Variants in MTUS2 observed in about 807,000 individuals in gnomAD.
The protein encoded by MTUS2 is microtubule associated scaffold protein 2.
In MTUS2, 40 loss-of-function variants were observed where a neutral mutation model predicts 114.1. That is an observed-to-expected ratio of 0.35 (90% CI 0.27 to 0.46). MTUS2 has a LOEUF of 0.46. MTUS2 is among the 20% of genes least tolerant of loss of function. MTUS2 has a pLI of 1.00. For missense variants in MTUS2, 1,679 were observed against 1,705.4 expected (o/e 0.98, Z 0.27); for synonymous variants, 688 against 672.0 (o/e 1.02, Z -0.37).
chr13:29,390,849 C>CT (rs1873391969), intron 8 of MTUS2, among the ~76,000 whole-genome samples: 1 of 151,660 alleles, frequency 6.6e-6, no homozygotes, highest in South Asian at 2.1e-4. Context: ...GTGGCACGAC[C>CT]TTGGCTCACT....
intron 5 of MTUS2, among the ~76,000 whole-genome samples, chr13:29,228,971 T>G (rs1593194168): frequency 6.6e-6 from 1 of 152,102 alleles, no homozygotes; most frequent in East Asian, 1.9e-4. Context: ...AGGACAAAGA[T>G]CCACCAAGGA....
At chr13:28,929,530 AT>A (rs945262306) in intron 2 of MTUS2, among the ~76,000 whole-genome samples, 1 of 152,132 alleles carries the variant, frequency 6.6e-6, no homozygotes, top group Admixed American at 6.5e-5. Context: ...GGCCTGAAAT[AT>A]GAAATTTGAT....
At chr13:28,857,754 A>G (rs1248137911) in intron 2 of MTUS2, among the ~76,000 whole-genome samples, 1 of 152,210 alleles carries the variant, frequency 6.6e-6, no homozygotes, top group African/African-American at 2.4e-5. Context: ...AGAGATGCCT[A>G]CTTATGTTCA....
rs181341098 is a variant in MTUS2, at chr13:29,233,731, G to A, written c.2645-47973G>A. ...AACATTTCTGCCATGATTTCGAAAAGGGAGAGGTAAATCTAACATATCACC... is the reference window on the plus strand; with the variant it reads ...AACATTTCTGCCATGATTTCGAAAAAGGAGAGGTAAATCTAACATATCACC... On this transcript the variant is annotated intron_variant, in intron 5 of 15. Coordinates refer to ENST00000612955, the MANE Select transcript of MTUS2 (RefSeq NM_001033602.4). Among the ~76,000 whole-genome samples, 5 of 152,290 alleles carry A rather than the reference G, an allele frequency of 3.3e-5. No individual in the cohort carries two copies. The East Asian group carries it at 9.6e-4, about 29-fold the overall frequency.
At chr13:29,290,487 G>A (rs529845437) in intron 6 of MTUS2, among the ~76,000 whole-genome samples, 8 of 152,164 alleles carry the variant, frequency 5.3e-5, no homozygotes, top group African/African-American at 1.7e-4. Flanking sequence ...CTGCCACCAC[G>A]CCTGGCTAAT....
chr13:29,450,750 ATATAC>A (rs574755595), intron 9 of MTUS2, among the ~76,000 whole-genome samples: 21 of 152,218 alleles, frequency 1.4e-4, no homozygotes, highest in Non-Finnish European at 2.6e-4. Flanking sequence ...TGAAAAAAAT[ATATAC>A]TATACTAACA....
chr13:28,847,759 C>G (rs1875985371), intron 2 of MTUS2, among the ~76,000 whole-genome samples: 1 of 152,138 alleles, frequency 6.6e-6, no homozygotes, highest in Non-Finnish European at 1.5e-5. Context: ...GGGCACTGTC[C>G]AAGGAAACCA....
At chr13:29,028,468 C>G (rs1886666044) in intron 3 of MTUS2, among the ~76,000 whole-genome samples, 1 of 152,054 alleles carries the variant, frequency 6.6e-6, no homozygotes, top group Non-Finnish European at 1.5e-5. Flanking sequence ...GATGTGCTCA[C>G]TGGGGGTCCG....
chr13:29,084,790 CCT>C lies in MTUS2; in HGVS notation c.2447-15981_2447-15980del, dbSNP rs201804344. Among the ~76,000 whole-genome samples the C allele has an allele frequency of 2.2e-3, 250 of 112,832 alleles. 16 individuals are homozygous for C. The highest frequency in any genetic ancestry group is 7.3e-3 in the South Asian group (27 of 3,722). 74.0% of individuals were successfully genotyped at this position (112,832 alleles called of 152,430 possible). ...TGACCTCAGGTGATCCACCCCCCCC[CCT>C]CACCGTTGGCCTTCCAAAGTGCTGG... is the stretch of plus-strand genomic sequence containing the variant. On this transcript the variant is annotated intron_variant, in intron 4 of 15. Coordinates refer to ENST00000612955, the MANE Select transcript of MTUS2 (RefSeq NM_001033602.4).
Position 29,417,030 on chromosome 13 carries a change from T to A in MTUS2, c.3118-22953T>A, listed in dbSNP as rs115637597. Among the ~76,000 whole-genome samples, 980 of 152,350 alleles carry A rather than the reference T, an allele frequency of 6.4e-3. 4 individuals are homozygous for A. The highest frequency in any genetic ancestry group is 0.022 in the African/African-American group (910 of 41,582). ...TTTTGCAATGCTGTAAAGGAATACC[T>A]GAGGCTGGATAATTTATAATTTAGA... On this transcript the variant is annotated intron_variant, in intron 8 of 15. Coordinates refer to ENST00000612955, the MANE Select transcript of MTUS2 (RefSeq NM_001033602.4).
intron 2 of MTUS2, among the ~76,000 whole-genome samples, chr13:28,939,945 C>G (rs967075245): frequency 6.6e-6 from 1 of 152,120 alleles, no homozygotes; most frequent in East Asian, 1.9e-4. Flanking sequence ...AGAGCTTGTG[C>G]AGGGGAACTC....
chr13:29,126,674 T>C (rs1033420621), intron 5 of MTUS2, among the ~76,000 whole-genome samples: 3 of 152,138 alleles, frequency 2.0e-5, no homozygotes, highest in African/African-American at 7.2e-5. Context: ...TGTTAGTATA[T>C]TTTATGTGTG....
intron 8 of MTUS2, among the ~76,000 whole-genome samples, chr13:29,405,260 G>C (rs577489189): frequency 6.6e-6 from 1 of 152,262 alleles, no homozygotes; most frequent in Admixed American, 6.5e-5. Context: ...ATGTTAAATA[G>C]CTATGGCTGG....
intron 6 of MTUS2, 55 bp downstream of exon 6, chr13:29,281,920 TA>T: frequency 6.6e-7 from 1 of 1,507,452 alleles, no homozygotes; most frequent in South Asian, 1.3e-5. Context: ...TCTGCATTAA[TA>T]AAAAGTCTTT....
chr13:29,490,262 A>T (rs1367205531), intron 11 of MTUS2, among the ~76,000 whole-genome samples: 2 of 152,208 alleles, frequency 1.3e-5, no homozygotes, highest in African/African-American at 4.8e-5. Flanking sequence ...AGTGACCCTT[A>T]CCACCATTAG....
intron 2 of MTUS2, among the ~76,000 whole-genome samples, chr13:28,889,529 G>A (rs2061128551): frequency 6.6e-6 from 1 of 152,160 alleles, no homozygotes. Context: ...CTGAGCATGG[G>A]TGTGTCTCTT....
intron 5 of MTUS2, among the ~76,000 whole-genome samples, chr13:29,167,654 A>G (rs957899418): frequency 2.6e-5 from 4 of 152,174 alleles, no homozygotes; most frequent in South Asian, 2.1e-4. Context: ...TCATAAAGTA[A>G]TACAAGTTGA....
chr13:29,054,447 A>G (rs1450271126), intron 4 of MTUS2, among the ~76,000 whole-genome samples: 1 of 152,120 alleles, frequency 6.6e-6, no homozygotes, highest in East Asian at 1.9e-4. Flanking sequence ...TACCTTACTT[A>G]AATAAGGTAC....
At chr13:29,433,596 T>C (rs978116040) in intron 8 of MTUS2, among the ~76,000 whole-genome samples, 7 of 152,226 alleles carry the variant, frequency 4.6e-5, no homozygotes, top group African/African-American at 7.2e-5. Context: ...ATATTATGGA[T>C]CTGGCCAATC....
Sources: allele counts gnomAD v4.1 joint callset (sites outside exome capture counted in the v4.1 genomes callset), GRCh38; gene constraint gnomAD v4.1.1; transcripts MANE v1.5; gene names NCBI Gene and HGNC (gene_info 2026-07-23, HGNC 2026-07-21).